Variants in SAMD5 observed in about 807,000 individuals in gnomAD.
SAMD5 encodes the protein sterile alpha motif domain-containing protein 5.
A neutral mutation model predicts 11.3 loss-of-function variants in SAMD5; 13 were observed. The ratio of observed to expected loss-of-function variants is 1.15; its 90% confidence interval spans 0.75 to 1.83. The LOEUF (loss-of-function observed/expected upper bound fraction) is 1.83, where lower values mean the gene tolerates loss of function less well. Among genes scored for constraint, SAMD5 ranks in the 40% most tolerant of loss-of-function variants. SAMD5 has a pLI of 0.00. For synonymous variants in SAMD5, 129 were observed against 111.3 expected (o/e 1.16, Z -1.00); for missense variants, 255 against 239.1 (o/e 1.07, Z -0.44).
intron 1 of SAMD5, among the ~76,000 whole-genome samples, chr6:147,533,489 G>C (rs1223872248): frequency 2.7e-5 from 4 of 149,078 alleles, no homozygotes; most frequent in Non-Finnish European, 4.5e-5. Flanking sequence ...AAGAAAGAAA[G>C]AAAAGAAACC....
the SAMD5 span, among the ~76,000 whole-genome samples, chr6:147,945,293 A>G: frequency 4.6e-5 from 7 of 152,240 alleles, no homozygotes; most frequent in African/African-American, 1.7e-4. Context: ...CACAGCCAGA[A>G]CTGACCTCTA....
At chr6:147,914,168 T>C in the SAMD5 span, among the ~76,000 whole-genome samples, 1 of 151,952 alleles carries the variant, frequency 6.6e-6, no homozygotes, top group Non-Finnish European at 1.5e-5. Context: ...CTTTTTTTTT[T>C]TTTTTTTTTA....
intron 1 of SAMD5, among the ~76,000 whole-genome samples, chr6:147,640,642 A>G (rs1341856735): frequency 6.6e-6 from 1 of 152,188 alleles, no homozygotes; most frequent in Non-Finnish European, 1.5e-5. Context: ...CATATTATTA[A>G]CTTCAACATT....
intron 1 of SAMD5, among the ~76,000 whole-genome samples, chr6:147,634,896 T>A (rs563285220): frequency 6.6e-6 from 1 of 150,578 alleles, no homozygotes; most frequent in East Asian, 2.0e-4. Flanking sequence ...AGTGTGAAAT[T>A]AAAAAGGGAA....
chr6:147,798,091 A>C, the SAMD5 span, among the ~76,000 whole-genome samples: 1 of 145,140 alleles, frequency 6.9e-6, no homozygotes, highest in Non-Finnish European at 1.5e-5. Context: ...GATTTTAGTT[A>C]TTTCTTGCCT....
At chr6:147,809,185 T>C in the SAMD5 span, among the ~76,000 whole-genome samples, 1 of 152,324 alleles carries the variant, frequency 6.6e-6, no homozygotes, top group Non-Finnish European at 1.5e-5. Context: ...TCCTTCTGCA[T>C]ACATTATTTT....
chr6:147,941,989 T>A, the SAMD5 span, among the ~76,000 whole-genome samples: 1 of 152,164 alleles, frequency 6.6e-6, no homozygotes, highest in Non-Finnish European at 1.5e-5. Context: ...TTCTCCTGCC[T>A]CAGCCTCCTG....
At chr6:147,873,578 G>A in the SAMD5 span, among the ~76,000 whole-genome samples, 2 of 152,008 alleles carry the variant, frequency 1.3e-5, no homozygotes, top group South Asian at 2.1e-4. Flanking sequence ...TATGATGTAG[G>A]AAGGTTTTCT....
chr6:147,695,152 A>G (rs1791157328), intron 1 of SAMD5, among the ~76,000 whole-genome samples: 1 of 152,224 alleles, frequency 6.6e-6, no homozygotes, highest in Non-Finnish European at 1.5e-5. Context: ...TGTGATATCT[A>G]GGAATTTAAA....
At chr6:147,802,921 G>T in the SAMD5 span, among the ~76,000 whole-genome samples, 89 of 152,190 alleles carry the variant, frequency 5.8e-4, no homozygotes, top group African/African-American at 2.1e-3. Flanking sequence ...AGGGCATGAA[G>T]GAATTTTCTG....
the SAMD5 span, among the ~76,000 whole-genome samples, chr6:147,819,673 A>G: frequency 1.3e-5 from 2 of 152,170 alleles, no homozygotes; most frequent in Admixed American, 1.3e-4. Flanking sequence ...CTTTCCCCAC[A>G]TGGGGACTGG....
the SAMD5 span, among the ~76,000 whole-genome samples, chr6:147,811,132 AG>A: frequency 6.6e-6 from 1 of 152,206 alleles, no homozygotes; most frequent in Non-Finnish European, 1.5e-5. Context: ...GCATATAGTA[AG>A]TACTTAACTA....
At chr6:147,821,730 G>C in the SAMD5 span, among the ~76,000 whole-genome samples, 1 of 152,132 alleles carries the variant, frequency 6.6e-6, no homozygotes, top group Non-Finnish European at 1.5e-5. Flanking sequence ...ACTTGTTAGT[G>C]GCTTTAAAAA....
the SAMD5 span, among the ~76,000 whole-genome samples, chr6:147,893,245 A>G: frequency 6.6e-6 from 1 of 151,570 alleles, no homozygotes; most frequent in African/African-American, 2.4e-5. Context: ...AGGGACTCTG[A>G]TTAGTATTTG....
At chr6:147,697,938 TCATGGAA>T (rs1334463420) in intron 1 of SAMD5, among the ~76,000 whole-genome samples, 1 of 152,204 alleles carries the variant, frequency 6.6e-6, no homozygotes, top group Non-Finnish European at 1.5e-5. Context: ...GGGACCAGTT[TCATGGAA>T]GACAGTTTTT....
At chr6:147,575,076 T>C (rs1789198974) in intron 1 of SAMD5, among the ~76,000 whole-genome samples, 2 of 152,250 alleles carry the variant, frequency 1.3e-5, no homozygotes, top group Non-Finnish European at 2.9e-5. Flanking sequence ...TATTTCTACA[T>C]AGATATTTAT....
chr6:147,916,556 A>T, the SAMD5 span, among the ~76,000 whole-genome samples: 5 of 151,620 alleles, frequency 3.3e-5, no homozygotes, highest in East Asian at 1.9e-4. Context: ...GTCTTTTTTA[A>T]AATTTTATTA....
chr6:147,638,346 C>G (rs552798051), intron 1 of SAMD5, among the ~76,000 whole-genome samples: 76 of 152,180 alleles, frequency 5.0e-4, no homozygotes, highest in Non-Finnish European at 6.6e-4. Flanking sequence ...CCAAAGACTT[C>G]AAAGAAATTT....
At chr6:147,535,675 T>C (rs892431158) in intron 1 of SAMD5, among the ~76,000 whole-genome samples, 2 of 152,232 alleles carry the variant, frequency 1.3e-5, no homozygotes, top group Non-Finnish European at 2.9e-5. Flanking sequence ...TTGGCTTTGA[T>C]AGAACTTTAT....
Sources: allele counts gnomAD v4.1 joint callset (sites outside exome capture counted in the v4.1 genomes callset), GRCh38; gene constraint gnomAD v4.1.1; transcripts MANE v1.5; gene names NCBI Gene and HGNC (gene_info 2026-07-23, HGNC 2026-07-21).